Variants in TAFA2 observed in about 807,000 individuals in gnomAD.
TAFA2 encodes the protein chemokine-like protein TAFA-2.
Under a neutral mutation model 18.8 loss-of-function variants are expected in TAFA2, and 7 were observed. The ratio of observed to expected loss-of-function variants is 0.37; its 90% CI spans 0.21 to 0.70. TAFA2 has a LOEUF of 0.70. Among genes scored for constraint, TAFA2 ranks in the 30% least tolerant of loss-of-function variants. The probability of loss-of-function intolerance (pLI) is 0.53; values close to 1 mark genes in which losing one functional copy is unlikely to be tolerated. For synonymous variants in TAFA2, 60 were observed against 54.2 expected (o/e 1.11, Z -0.47); for missense variants, 122 against 158.1 (o/e 0.77, Z 1.23).
At chr12:62,223,093 A>C (rs1265668566) in intron 1 of TAFA2, among the ~76,000 whole-genome samples, 2 of 152,182 alleles carry the variant, frequency 1.3e-5, no homozygotes, top group Admixed American at 1.3e-4. Flanking sequence ...TTCTTAAATT[A>C]ATCTATAAAT....
At chr12:61,770,268 T>G (rs1334364337) in intron 2 of TAFA2, among the ~76,000 whole-genome samples, 1 of 152,140 alleles carries the variant, frequency 6.6e-6, no homozygotes, top group African/African-American at 2.4e-5. Context: ...GAATAATTCA[T>G]GTTCCCAAGG....
At chr12:62,258,788 T>C (rs1382015385) in exon 1 of TAFA2, 1 of 360,552 alleles carries the variant, frequency 2.8e-6, no homozygotes, top group Non-Finnish European at 5.6e-6. Context: ...ATATATGTTT[T>C]CCATATTCTG....
chr12:62,199,323 T>G (rs575269045), intron 1 of TAFA2, among the ~76,000 whole-genome samples: 1 of 152,318 alleles, frequency 6.6e-6, no homozygotes, highest in African/African-American at 2.4e-5. Flanking sequence ...TATACCCCCA[T>G]GCATAAGCTA....
chr12:62,032,961 T>A (rs143336652), intron 1 of TAFA2, among the ~76,000 whole-genome samples: 61 of 152,298 alleles, frequency 4.0e-4, no homozygotes, highest in African/African-American at 1.4e-3. Context: ...CTCAGGGAAT[T>A]CCAAGAGTAA....
rs928512161 is a variant in TAFA2, at chr12:62,029,400, T to G, written c.-2+161859A>C. ...CAGAACCATTTTATTGATAAGAAAA[T>G]TATGTTTCTGAAAAGTTAACAAACT... is the stretch of plus-strand genomic sequence containing the variant. On this transcript the variant is annotated intron_variant, in intron 1 of 4. Transcript: ENST00000416284. Among the ~76,000 whole-genome samples, 4 of 152,144 alleles carry G rather than the reference T, an allele frequency of 2.6e-5. No individual in the cohort carries two copies. In the South Asian group the frequency reaches 6.2e-4, roughly 24 times the overall value.
intron 1 of TAFA2, among the ~76,000 whole-genome samples, chr12:62,063,847 G>C (rs1417737656): frequency 1.5e-5 from 2 of 136,206 alleles, no homozygotes; most frequent in Non-Finnish European, 1.6e-5. Context: ...GCTATGTAAG[G>C]GTGGCTGGAC....
chr12:62,210,380 C>T (rs1457100108), intron 1 of TAFA2, among the ~76,000 whole-genome samples: 1 of 152,122 alleles, frequency 6.6e-6, no homozygotes, highest in Non-Finnish European at 1.5e-5. Context: ...TCCATCCAAA[C>T]TCTCTATAGA....
intron 1 of TAFA2, among the ~76,000 whole-genome samples, chr12:62,008,179 C>T (rs1880619070): frequency 6.6e-6 from 1 of 152,020 alleles, no homozygotes; most frequent in South Asian, 2.1e-4. Flanking sequence ...TTGGGAACAC[C>T]ATGAAAAAAG....
chr12:62,210,185 C>CCAAA lies in TAFA2; in HGVS notation c.-130+48577_-130+48578insTTTG, dbSNP rs377010273. 4.2e-5 allele frequency among the ~76,000 whole-genome samples: 6 copies of CCAAA among 144,332 alleles called. No homozygotes were observed. The Admixed American group carries it at 4.2e-4, about 10-fold the overall frequency. 94.7% of individuals were successfully genotyped at this position (144,332 alleles called of 152,430 possible). A position where few individuals can be genotyped will look rare whatever the true frequency, so the allele number is the denominator to read the frequency against. On this transcript the variant is annotated intron_variant, in intron 1 of 5. Transcript: ENST00000551619. ...TGGGTGACAGAGTGAGACTCTGTCTCTAAATAAATAAATAAATAAATAAAT... is the reference window on the plus strand; with the variant it reads ...TGGGTGACAGAGTGAGACTCTGTCTCCAAATAAATAAATAAATAAATAAATAAAT...
chr12:61,924,720 A>T (rs1468296952), intron 1 of TAFA2, among the ~76,000 whole-genome samples: 1 of 152,192 alleles, frequency 6.6e-6, no homozygotes, highest in Non-Finnish European at 1.5e-5. Flanking sequence ...TAATGACAGG[A>T]TCAAATTCAC....
intron 2 of TAFA2, among the ~76,000 whole-genome samples, chr12:61,830,442 T>G (rs1404156663): frequency 2.0e-5 from 3 of 151,764 alleles, no homozygotes; most frequent in African/African-American, 4.8e-5. Flanking sequence ...TCATGTCTTT[T>G]GCAGCAATAA....
chr12:62,200,142 G>T (rs1186564352), intron 1 of TAFA2, among the ~76,000 whole-genome samples: 1 of 152,132 alleles, frequency 6.6e-6, no homozygotes, highest in African/African-American at 2.4e-5. Flanking sequence ...GTTCCTTGTA[G>T]ATTCTGGATA....
At chr12:61,788,963 C>T (rs1191934847) in intron 2 of TAFA2, among the ~76,000 whole-genome samples, 24 of 151,652 alleles carry the variant, frequency 1.6e-4, no homozygotes, top group Non-Finnish European at 2.4e-4. Context: ...TTTTGAGAAG[C>T]GTTTATCTTC....
intron 1 of TAFA2, among the ~76,000 whole-genome samples, chr12:62,013,957 A>G (rs1378074424): frequency 6.6e-6 from 1 of 152,214 alleles, no homozygotes; most frequent in Non-Finnish European, 1.5e-5. Flanking sequence ...GAAATTAACT[A>G]TCTTGGACCC....
chr12:62,258,854 G>A, upstream of TAFA2: 1 of 231,416 alleles, frequency 4.3e-6, no homozygotes. Flanking sequence ...TGGAAAAAGG[G>A]GGAAAATGTG....
chr12:61,850,115 A>T (rs1370532011), intron 2 of TAFA2, among the ~76,000 whole-genome samples: 2 of 152,134 alleles, frequency 1.3e-5, no homozygotes, highest in Non-Finnish European at 2.9e-5. Flanking sequence ...TATAAATCAC[A>T]GATATACATA....
At chr12:61,893,489 TAG>T (rs1243252843) in intron 1 of TAFA2, among the ~76,000 whole-genome samples, 1 of 151,962 alleles carries the variant, frequency 6.6e-6, no homozygotes, top group Non-Finnish European at 1.5e-5. Flanking sequence ...AATGATCTGG[TAG>T]AGAGGGTGAA....
intron 1 of TAFA2, among the ~76,000 whole-genome samples, chr12:62,029,985 T>C (rs1451607449): frequency 6.6e-6 from 1 of 152,140 alleles, no homozygotes; most frequent in Non-Finnish European, 1.5e-5. Context: ...CAGAGCTTCA[T>C]TTACCTCCCA....
chr12:61,939,071 TA>T (rs909478837), intron 1 of TAFA2, among the ~76,000 whole-genome samples: 13 of 152,164 alleles, frequency 8.5e-5, no homozygotes, highest in African/African-American at 2.9e-4. Flanking sequence ...GAATTCTTTT[TA>T]AAAAAGTATA....
Sources: allele counts gnomAD v4.1 joint callset (sites outside exome capture counted in the v4.1 genomes callset), GRCh38; gene constraint gnomAD v4.1.1; transcripts MANE v1.5; gene names NCBI Gene and HGNC (gene_info 2026-07-23, HGNC 2026-07-21).